The following SOX5 variants were observed in gnomAD, a reference collection of about 807,000 sequenced individuals.
SOX5 encodes SRY-box transcription factor 5.
Under a neutral mutation model 92.0 loss-of-function variants are expected in SOX5, and 9 were observed. The observed-to-expected ratio is 0.10, with a 90% confidence interval of 0.06 to 0.17. The LOEUF is 0.17. Ranked by LOEUF, SOX5 falls within the 10% of genes least tolerant of loss-of-function variation. The pLI is 1.00. For synonymous variants in SOX5, 344 were observed against 336.3 expected (o/e 1.02, Z -0.25); for missense variants, 642 against 944.5 (o/e 0.68, Z 4.20).
At chr12:23,953,773 A>G (rs1055727547), upstream of SOX5, among the ~76,000 whole-genome samples, 1 of 152,072 alleles carries the variant, frequency 6.6e-6, no homozygotes, top group African/African-American at 2.4e-5. Context: ...ATACACAAAT[A>G]AAATATATTT....
At chr12:24,321,787 CATTTA>C (rs1401448652) in intron 2 of SOX5, among the ~76,000 whole-genome samples, 2 of 152,098 alleles carry the variant, frequency 1.3e-5, no homozygotes, top group Admixed American at 6.5e-5. Flanking sequence ...AACAACCAGT[CATTTA>C]ATTTAACTTA....
At chr12:23,635,315 T>C (rs1232595317) in intron 8 of SOX5, among the ~76,000 whole-genome samples, 6 of 152,212 alleles carry the variant, frequency 3.9e-5, no homozygotes, top group African/African-American at 9.6e-5. Context: ...CAGAGAGTCA[T>C]TGAAGGTCCT....
chr12:24,428,191 A>C (rs1322608823), intron 1 of SOX5, among the ~76,000 whole-genome samples: 1 of 150,466 alleles, frequency 6.6e-6, no homozygotes, highest in Non-Finnish European at 1.5e-5. Context: ...TTAAAAGAAG[A>C]GGTAAAACAA....
intron 3 of SOX5, among the ~76,000 whole-genome samples, chr12:23,769,635 A>G (rs1488403687): frequency 6.6e-6 from 1 of 152,196 alleles, no homozygotes; most frequent in African/African-American, 2.4e-5. Flanking sequence ...AGAATATCTG[A>G]GAGATTAAGA....
At chr12:23,841,993 A>C (rs938054251) in intron 3 of SOX5, among the ~76,000 whole-genome samples, 2 of 152,130 alleles carry the variant, frequency 1.3e-5, no homozygotes, top group African/African-American at 4.8e-5. Context: ...AAAATCATAG[A>C]GGAGTGTGAG....
intron 4 of SOX5, among the ~76,000 whole-genome samples, chr12:24,211,556 G>A (rs1958614378): frequency 6.6e-6 from 1 of 152,138 alleles, no homozygotes; most frequent in African/African-American, 2.4e-5. Flanking sequence ...AGTACCAATA[G>A]CATTCTTTAT....
intron 4 of SOX5, among the ~76,000 whole-genome samples, chr12:24,002,890 CA>C (rs1951753510): frequency 6.6e-6 from 1 of 151,100 alleles, no homozygotes; most frequent in Admixed American, 6.6e-5. Context: ...AACTACATTA[CA>C]AATATTCATC....
chr12:24,240,054 T>C (rs574811829), intron 3 of SOX5, among the ~76,000 whole-genome samples: 53 of 152,180 alleles, frequency 3.5e-4, no homozygotes, highest in Non-Finnish European at 6.9e-4. Context: ...GATCCTTAAA[T>C]GTGACATACA....
At chr12:23,915,014 T>G (rs950027609) in intron 1 of SOX5, among the ~76,000 whole-genome samples, 7 of 152,152 alleles carry the variant, frequency 4.6e-5, no homozygotes, top group Admixed American at 3.3e-4. Flanking sequence ...GGGCAATGTC[T>G]AAGAGCATAA....
intron 7 of SOX5, among the ~76,000 whole-genome samples, chr12:23,641,524 C>A (rs1300580286): frequency 6.6e-6 from 1 of 152,030 alleles, no homozygotes; most frequent in Admixed American, 6.6e-5. Context: ...TTCCCCCCGA[C>A]ATTTTTTATC....
chr12:23,606,111 A>T (rs949053887), intron 8 of SOX5, among the ~76,000 whole-genome samples: 2 of 151,966 alleles, frequency 1.3e-5, no homozygotes, highest in African/African-American at 4.8e-5. Flanking sequence ...CTGTCTTAAA[A>T]ATCTATGCAT....
intron 11 of SOX5, among the ~76,000 whole-genome samples, chr12:23,558,820 C>T (rs1053665688): frequency 1.3e-5 from 2 of 152,284 alleles, no homozygotes; most frequent in African/African-American, 4.8e-5. Flanking sequence ...TCAGGCTGGT[C>T]TCAAACTCCT....
rs183668764 is a variant in SOX5, at chr12:23,769,598, C to A, written c.482-13874G>T. On this transcript the variant is annotated intron_variant, in intron 3 of 14. Transcript: ENST00000451604. ...AAGGGAGACATCTGTTTGTCATATACAACATTGTAATATAAAATAAACTAG... is the reference window on the plus strand; with the variant it reads ...AAGGGAGACATCTGTTTGTCATATAAAACATTGTAATATAAAATAAACTAG... Among the ~76,000 whole-genome samples, 900 of 152,196 alleles carry A rather than the reference C, an allele frequency of 5.9e-3. 7 individuals are homozygous for A. Among genetic ancestry groups the A allele is most frequent in the Non-Finnish European group, 0.011 (730 of 68,020 alleles).
At chr12:23,994,573 C>T (rs75577360) in intron 4 of SOX5, among the ~76,000 whole-genome samples, 2,891 of 152,074 alleles carry the variant, frequency 0.019, 85 homozygotes, top group African/African-American at 0.065. Flanking sequence ...CTATTTTCTC[C>T]GTAATTTTGC....
chr12:24,450,465 ATTTAT>A (rs1423445341), intron 1 of SOX5, among the ~76,000 whole-genome samples: 5 of 144,758 alleles, frequency 3.5e-5, no homozygotes, highest in East Asian at 4.0e-4. Flanking sequence ...TCGAGTGTGT[ATTTAT>A]TTTATTTATT....
chr12:24,547,690 C>A (rs1426096526), intron 1 of SOX5, among the ~76,000 whole-genome samples: 1 of 152,176 alleles, frequency 6.6e-6, no homozygotes, highest in African/African-American at 2.4e-5. Flanking sequence ...TCAGCTCAGG[C>A]ATAAGTTGTC....
intron 4 of SOX5, among the ~76,000 whole-genome samples, chr12:23,746,925 A>T (rs2094003779): frequency 6.6e-6 from 1 of 152,086 alleles, no homozygotes; most frequent in Non-Finnish European, 1.5e-5. Flanking sequence ...TGATGATTTT[A>T]TAAAGGGGAG....
At chr12:23,608,073 C>A in intron 8 of SOX5, among the ~76,000 whole-genome samples, 1 of 128,370 alleles carries the variant, frequency 7.8e-6, no homozygotes, top group Non-Finnish European at 1.5e-5. Flanking sequence ...AGTTTGAGAC[C>A]AGCCTGGGCA....
intron 2 of SOX5, among the ~76,000 whole-genome samples, chr12:24,350,487 G>A (rs915325026): frequency 2.0e-5 from 3 of 152,098 alleles, no homozygotes; most frequent in Non-Finnish European, 4.4e-5. Context: ...GGGCCTATAG[G>A]CACGTGCCAC....
Sources: allele counts gnomAD v4.1 joint callset (sites outside exome capture counted in the v4.1 genomes callset), GRCh38; gene constraint gnomAD v4.1.1; transcripts MANE v1.5; gene names NCBI Gene and HGNC (gene_info 2026-07-23, HGNC 2026-07-21).